The following SYNJ1 variants were observed in gnomAD, a reference collection of about 807,000 sequenced individuals.
SYNJ1 encodes the protein polyphosphatidylinositol phosphatase SYNJ1.
Under a neutral mutation model 168.2 loss-of-function variants are expected in SYNJ1, and 78 were observed. The ratio of observed to expected loss-of-function variants is 0.46; its 90% CI spans 0.39 to 0.56. The LOEUF is 0.56. Ranked by LOEUF, SYNJ1 falls within the 20% of genes least tolerant of loss-of-function variation. The probability of loss-of-function intolerance (pLI) is 0.00; values close to 1 mark genes in which losing one functional copy is unlikely to be tolerated. For synonymous variants in SYNJ1, 539 were observed against 548.6 expected (o/e 0.98, Z 0.24); for missense variants, 1,303 against 1,597.6 (o/e 0.82, Z 3.14).
chr21:32,632,125 T>C (rs2039353327), intron 32 of SYNJ1, among the ~76,000 whole-genome samples: 1 of 152,216 alleles, frequency 6.6e-6, no homozygotes, highest in Non-Finnish European at 1.5e-5. Context: ...TGCCCAGTTC[T>C]ATCACATTTC....
intron 18 of SYNJ1, among the ~76,000 whole-genome samples, chr21:32,664,085 A>G (rs1310082971): frequency 1.3e-5 from 2 of 152,218 alleles, no homozygotes; most frequent in Non-Finnish European, 2.9e-5. Context: ...AACTCTTATA[A>G]TAGGAGTTAT....
chr21:32,664,670 T>C (rs1218058008), intron 18 of SYNJ1, among the ~76,000 whole-genome samples: 2 of 152,264 alleles, frequency 1.3e-5, no homozygotes, highest in East Asian at 3.9e-4. Context: ...TTTGGAGACG[T>C]GAGTCCGCTG....
In SYNJ1 at chr21:32,727,785, T is replaced by C. The variant is rs1373693399; in HGVS notation, c.-23+161A>G. On this transcript the variant is annotated intron_variant, in intron 1 of 32. Coordinates refer to ENST00000674351, the MANE Select transcript of SYNJ1 (RefSeq NM_203446.3). ...GCACCCCGCACAACCAGTGGTCTGC[T>C]CACAACCCCGCCCGTCCTCCCGCAC... 7.8e-6 allele frequency: 11 copies of C among 1,409,464 alleles called. No homozygotes were observed. In the East Asian group the frequency reaches 2.7e-4, roughly 35 times the overall value. The allele number at this position is 1,409,464 out of a possible 1,614,324, so 87.3% of individuals were successfully genotyped here. A position where few individuals can be genotyped will look rare whatever the true frequency, so the allele number is the denominator to read the frequency against.
Position 32,727,984 on chromosome 21 carries a change from G to T in SYNJ1, c.-61C>A, listed in dbSNP as rs932881262. 8 of 1,535,128 alleles carry T rather than the reference G, an allele frequency of 5.2e-6. No individual in the cohort carries two copies. The highest frequency in any genetic ancestry group is 3.6e-5 in the South Asian group (3 of 83,978). On this transcript the variant is annotated 5_prime_UTR_variant, in exon 1 of 33. Transcript: ENST00000674351. ...TCCTCCTCCTCCTTCTCCCGCAGCCGCCGCCACAGCCGCCGGGAGCGTCAC... is the reference window on the plus strand; with the variant it reads ...TCCTCCTCCTCCTTCTCCCGCAGCCTCCGCCACAGCCGCCGGGAGCGTCAC...
Position 32,712,801 on chromosome 21 carries a change from T to C in SYNJ1, c.125-10754A>G, listed in dbSNP as rs190436473. ...TTGTTTGTTGGAGGAGGACAATGATTAGAATAAACCTCACTGAGGAAGTGA... is the reference window on the plus strand; with the variant it reads ...TTGTTTGTTGGAGGAGGACAATGATCAGAATAAACCTCACTGAGGAAGTGA... On this transcript the variant is annotated intron_variant, in intron 2 of 32. Coordinates refer to ENST00000674351, the MANE Select transcript of SYNJ1 (RefSeq NM_203446.3). Among the ~76,000 whole-genome samples, 73 of 152,254 alleles carry C rather than the reference T, an allele frequency of 4.8e-4. No homozygotes were observed. In the South Asian group the frequency reaches 6.2e-3, roughly 13 times the overall value.
At chr21:32,688,275 A>G in intron 7 of SYNJ1, 31 bp downstream of exon 7, 2 of 1,601,916 alleles carry the variant, frequency 1.2e-6, no homozygotes. Flanking sequence ...GCAATATCAA[A>G]ACTTAAAGCA....
At chr21:32,672,612 T>C (rs990499809) in intron 14 of SYNJ1, among the ~76,000 whole-genome samples, 8 of 152,200 alleles carry the variant, frequency 5.3e-5, no homozygotes, top group African/African-American at 1.7e-4. Flanking sequence ...AGTGCTGGGA[T>C]TACAGGCGTG....
At chr21:32,700,446 G>A (rs576381717) in intron 3 of SYNJ1, among the ~76,000 whole-genome samples, 2 of 152,208 alleles carry the variant, frequency 1.3e-5, no homozygotes, top group African/African-American at 4.8e-5. Flanking sequence ...CCTGAGGCCG[G>A]GAATTAAAGA....
At chr21:32,684,942 G>A (rs1238062401) in intron 9 of SYNJ1, among the ~76,000 whole-genome samples, 2 of 152,162 alleles carry the variant, frequency 1.3e-5, no homozygotes, top group Non-Finnish European at 2.9e-5. Context: ...CACTTTGGGA[G>A]GCGGAGGCGG....
chr21:32,710,631 T>G (rs1351416923), intron 2 of SYNJ1, among the ~76,000 whole-genome samples: 2 of 151,982 alleles, frequency 1.3e-5, no homozygotes, highest in African/African-American at 2.4e-5. Flanking sequence ...CTCAAGCGAT[T>G]CTCCCGCCTC....
At chr21:32,726,669 C>T in intron 2 of SYNJ1, 103 bp downstream of exon 2, 1 of 1,398,754 alleles carries the variant, frequency 7.1e-7, no homozygotes. Flanking sequence ...AGAGGAAATA[C>T]AGTGAAAGGG....
chr21:32,717,053 G>A (rs1222503434), intron 2 of SYNJ1, among the ~76,000 whole-genome samples: 1 of 151,886 alleles, frequency 6.6e-6, no homozygotes, highest in Non-Finnish European at 1.5e-5. Flanking sequence ...TCCAACTCCT[G>A]GGTTCAAGTA....
rs372354458 is a variant in SYNJ1, at chr21:32,695,060, T to C, written c.702A>G (p.Glu234=). ...DGHVANFVET[E]QVVYLDDSVS... is the part of the protein sequence containing the mutation. ...TAATATAAAACACTATATATACCTG[T>C]TCTGTTTCTACAAAATTGGCAACAT... Residue 234 remains glutamate (E), a synonymous_variant, in exon 5 of 33, where the codon GAA becomes GAG. Coordinates refer to ENST00000674351, the MANE Select transcript of SYNJ1 (RefSeq NM_203446.3). The C allele has an allele frequency of 9.3e-6, 15 of 1,614,038 alleles. No individual in the cohort carries two copies. The highest frequency in any genetic ancestry group is 6.8e-6 in the Non-Finnish European group (8 of 1,179,902).
chr21:32,701,906 G>C, intron 3 of SYNJ1, 55 bp downstream of exon 3: 1 of 1,363,250 alleles, frequency 7.3e-7, no homozygotes. Flanking sequence ...CAAATCCTTA[G>C]AATTACAAAA....
At chr21:32,632,366 G>C (rs1391983718) in intron 32 of SYNJ1, among the ~76,000 whole-genome samples, 2 of 151,042 alleles carry the variant, frequency 1.3e-5, no homozygotes, top group African/African-American at 2.4e-5. Flanking sequence ...AATAAATTTT[G>C]AGAGTTCTTT....
chr21:32,701,973 G>A lies in SYNJ1; in HGVS notation c.199C>T (p.Arg67Trp), dbSNP rs372488661. Residue 67 changes from arginine (R) to tryptophan (W), a missense_variant, in exon 3 of 33, where the codon CGG becomes TGG. By Grantham distance (101) the Arg-to-Trp change is moderately radical. This residue lies in a region of SYNJ1 where 920 missense variants were observed against 1,208.8 expected (regional missense o/e 0.76). Transcript: ENST00000674351. ...LDAYGLLGVL[R>W]LNLGDTMLHY... ...ATGATAAACTTACCAAGATTTAACC[G>A]CAGAACACCTAAGAGTCCATATGCA... 38 of 1,544,128 alleles carry A rather than the reference G, an allele frequency of 2.5e-5. No individual in the cohort carries two copies. Among genetic ancestry groups the A allele is most frequent in the East Asian group, 4.6e-5 (2 of 43,748 alleles).
At chr21:32,726,704 G>A in intron 2 of SYNJ1, 68 bp downstream of exon 2, 2 of 1,568,966 alleles carry the variant, frequency 1.3e-6, no homozygotes. Flanking sequence ...TCTAAAAAAT[G>A]GTTGCATCTG....
At chr21:32,706,119 C>T (rs997104088) in intron 2 of SYNJ1, among the ~76,000 whole-genome samples, 11 of 152,304 alleles carry the variant, frequency 7.2e-5, no homozygotes, top group East Asian at 1.9e-4. Flanking sequence ...CCTGAATCTA[C>T]GCATGAGCCA....
chr21:32,637,636 G>C (rs939364535), intron 31 of SYNJ1, among the ~76,000 whole-genome samples: 2 of 152,014 alleles, frequency 1.3e-5, no homozygotes, highest in Non-Finnish European at 2.9e-5. Context: ...GGCTGGTCTT[G>C]AATTCCTGAC....
Sources: gnomAD v4.1 joint callset for allele counts (sites outside exome capture counted in the v4.1 genomes callset) on GRCh38, gnomAD v4.1.1 for gene constraint, gnomAD v4.1.1 regional missense constraint, MANE v1.5 for transcripts, NCBI Gene and HGNC (gene_info 2026-07-23, HGNC 2026-07-21) for gene names.